NATD1: variants seen among roughly 807,000 people sequenced by gnomAD.
The protein encoded by NATD1 is N-acetyltransferase domain containing 1, also known as protein NATD1.
A neutral mutation model predicts 12.0 loss-of-function variants in NATD1; 9 were observed. The ratio of observed to expected loss-of-function variants is 0.75; its 90% CI spans 0.45 to 1.30. The LOEUF is 1.30. Ranked by LOEUF, NATD1 falls within the 50% of genes most tolerant of loss-of-function variation. The pLI is 0.00. For missense variants in NATD1, 148 were observed against 148.5 expected, an observed-to-expected ratio of 1.00 and a Z score of 0.02; for synonymous variants, 71 against 65.9, an observed-to-expected ratio of 1.08 and a Z score of -0.37.
chr17:21,247,095 C>A (rs112819364), intron 1 of NATD1, among the ~76,000 whole-genome samples: 2 of 152,182 alleles, frequency 1.3e-5, no homozygotes, highest in Non-Finnish European at 2.9e-5. Flanking sequence ...GCACACCCTG[C>A]GTCAGTGTTT....
At position 21,243,421 on chromosome 17, in the gene NATD1, C is replaced by T; in HGVS notation, c.234G>A (p.Leu78=). 1 of 1,612,720 alleles carries T rather than the reference C, an allele frequency of 6.2e-7. No homozygotes were observed. Among genetic ancestry groups the T allele is most frequent in the Non-Finnish European group, 8.5e-7 (1 of 1,179,878 alleles). ...TCAGGTCCTCCTCCACCACGAAGTC[C>T]AGGGCGGCCTGGGAGCCGGGCAGAG... ...GIAKHLAKAA[L]DFVVEEDLKA... Residue 78 remains leucine (L), a synonymous_variant, in exon 3 of 3, where the codon CTG becomes CTA. Transcript: ENST00000611551.
Position 21,244,297 on chromosome 17 carries a change from G to A in NATD1, c.107-73C>T, listed in dbSNP as rs535740764. The A allele has an allele frequency of 2.2e-6, 3 of 1,346,472 alleles. No homozygotes were observed. The highest frequency in any genetic ancestry group is 1.5e-5 in the African/African-American group (1 of 68,792). 83.4% of individuals were successfully genotyped at this position (1,346,472 alleles called of 1,614,324 possible). A position where few individuals can be genotyped will look rare whatever the true frequency, so the allele number is the denominator to read the frequency against. ...GGACTCAGGCACCAAGACGGGTGGAGGGACAGGCATTTGGAGTCATTCAGC... is the reference window on the plus strand; with the variant it reads ...GGACTCAGGCACCAAGACGGGTGGAAGGACAGGCATTTGGAGTCATTCAGC... On this transcript the variant is annotated intron_variant, in intron 1 of 2. Coordinates refer to ENST00000611551, the MANE Select transcript of NATD1 (RefSeq NM_152914.3). The surrounding 1 kb of genome is among the most constrained non-coding windows in gnomAD (Gnocchi z 5.2).
At chr17:21,246,567 G>T (rs9896085) in intron 1 of NATD1, among the ~76,000 whole-genome samples, 7,016 of 151,822 alleles carry the variant, frequency 0.046, 252 homozygotes, top group African/African-American at 0.1. Flanking sequence ...CACACCTATG[G>T]TCCCGGCTAT....
At chr17:21,251,343 G>A (rs531306486) in intron 1 of NATD1, among the ~76,000 whole-genome samples, 22 of 150,252 alleles carry the variant, frequency 1.5e-4, no homozygotes, top group Middle Eastern at 6.9e-3. Context: ...CTGTCTCTGA[G>A]TATAATGGCC....
intron 1 of NATD1, among the ~76,000 whole-genome samples, chr17:21,250,915 C>T (rs1975369136): frequency 1.3e-5 from 2 of 152,342 alleles, no homozygotes; most frequent in Non-Finnish European, 2.9e-5. Flanking sequence ...CACAACAGCA[C>T]CAGCCTCCAG....
chr17:21,249,219 C>T (rs1042700006), intron 1 of NATD1, among the ~76,000 whole-genome samples: 3 of 152,238 alleles, frequency 2.0e-5, no homozygotes, highest in South Asian at 2.1e-4. Context: ...CAGATCAAAA[C>T]GCGAATATAC....
chr17:21,252,228 C>T (rs973448748), intron 1 of NATD1, among the ~76,000 whole-genome samples: 1 of 152,060 alleles, frequency 6.6e-6, no homozygotes, highest in Non-Finnish European at 1.5e-5. Context: ...TCACTTGAAC[C>T]CAGGAGGCAG....
At chr17:21,246,589 A>T (rs1268204486) in intron 1 of NATD1, among the ~76,000 whole-genome samples, 1 of 151,278 alleles carries the variant, frequency 6.6e-6, no homozygotes, top group Non-Finnish European at 1.5e-5. Context: ...TGGGAGGCTG[A>T]GGCGGGAGAA....
In NATD1 at chr17:21,240,842, C is replaced by G. The variant is rs732929; in HGVS notation, c.*2471G>C. The stretch of plus-strand genomic sequence containing the variant: ...GGGATGGGCTGGGGGCTCCAGGGCA[C>G]GGTGTCTGTGGCAACCCAACCTGGG... On this transcript the variant is annotated 3_prime_UTR_variant, in exon 3 of 3. Transcript: ENST00000611551. 127,968 of 152,802 alleles carry G rather than the reference C, an allele frequency of 0.84. 53,985 individuals are homozygous for G. The highest frequency in any genetic ancestry group is 0.93 in the African/African-American group (38,879 of 41,584). The allele number at this position is 152,802 out of a possible 1,614,324, so 9.5% of individuals were successfully genotyped here.
Position 21,244,140 on chromosome 17 carries a change from T to C in NATD1, c.191A>G (p.Tyr64Cys), listed in dbSNP as rs1264177632. 3 of 1,612,812 alleles carry C rather than the reference T, an allele frequency of 1.9e-6. No individual in the cohort carries two copies. Among genetic ancestry groups the C allele is most frequent in the Admixed American group, 1.7e-5 (1 of 59,954 alleles). ...DLQHTEVPDA[Y>C]RGRGIAKHLA... Reference sequence around the variant, plus strand: ...GTGCTTGGCGATGCCACGCCCACGGTAGGCATCTGGGACCTCGGTGTGCTG... The same window carrying C: ...GTGCTTGGCGATGCCACGCCCACGGCAGGCATCTGGGACCTCGGTGTGCTG... Residue 64 changes from tyrosine to cysteine, a missense_variant, in exon 2 of 3, where the codon TAC (tyrosine) becomes TGC (cysteine). By Grantham distance (194) the Tyr-to-Cys change is radical. Coordinates refer to ENST00000611551, the MANE Select transcript of NATD1 (RefSeq NM_152914.3). The surrounding 1 kb of genome is among the most constrained non-coding windows in gnomAD (Gnocchi z 5.2).
chr17:21,246,174 G>A (rs1975323058), intron 1 of NATD1, among the ~76,000 whole-genome samples: 1 of 152,156 alleles, frequency 6.6e-6, no homozygotes, highest in African/African-American at 2.4e-5. Flanking sequence ...CTTCCTCATG[G>A]AGATCTTACG....
intron 1 of NATD1, among the ~76,000 whole-genome samples, chr17:21,245,474 T>G (rs1333362543): frequency 6.6e-6 from 1 of 152,164 alleles, no homozygotes; most frequent in African/African-American, 2.4e-5. Context: ...GTCCAACCAC[T>G]AGTCCAGGGC....
rs117500707 is a variant in NATD1 at position 21,250,453 on chromosome 17, T to C, written c.106+2706A>G. On this transcript the variant is annotated intron_variant, in intron 1 of 2. Transcript: ENST00000611551. ...AAAGCCCTTGTTTTCCAGGATACTT[T>C]AAAACTGACTCTATTTCTTGTCCAT... Among the ~76,000 whole-genome samples the C allele has an allele frequency of 2.0e-5, 3 of 152,300 alleles. No homozygotes were observed. In the East Asian group the frequency reaches 5.8e-4, roughly 29 times the overall value.
At position 21,244,154 on chromosome 17, in the gene NATD1, C is replaced by A. The variant is rs1197360230; in HGVS notation, c.177G>T (p.Glu59Asp). The A allele has an allele frequency of 1.9e-6, 3 of 1,613,218 alleles. No individual in the cohort carries two copies. Among genetic ancestry groups the A allele is most frequent in the Non-Finnish European group, 2.5e-6 (3 of 1,179,840 alleles). ...GKRIVDLQHT[E>D]VPDAYRGRGI... ...CACGCCCACGGTAGGCATCTGGGAC[C>A]TCGGTGTGCTGCAGGTCCACGATCC... The change falls in exon 2 of 3, where the codon GAG becomes GAT. Residue 59 changes from glutamate (E) to aspartate (D), a missense_variant. Coordinates refer to ENST00000611551, the MANE Select transcript of NATD1 (RefSeq NM_152914.3). The surrounding 1 kb of genome is among the most constrained non-coding windows in gnomAD (Gnocchi z 5.2).
intron 1 of NATD1, among the ~76,000 whole-genome samples, chr17:21,252,830 C>G (rs1458881452): frequency 6.6e-6 from 1 of 152,012 alleles, no homozygotes; most frequent in African/African-American, 2.4e-5. Flanking sequence ...GACAGGGGAC[C>G]CGCGCTGCCC....
At chr17:21,247,075 A>G (rs1249871184) in intron 1 of NATD1, among the ~76,000 whole-genome samples, 2 of 151,562 alleles carry the variant, frequency 1.3e-5, no homozygotes, top group African/African-American at 4.9e-5. Context: ...GCTCATTACT[A>G]CTCCTCTGTG....
chr17:21,249,262 C>G (rs1364749976), intron 1 of NATD1, among the ~76,000 whole-genome samples: 1 of 152,196 alleles, frequency 6.6e-6, no homozygotes, highest in African/African-American at 2.4e-5. Flanking sequence ...GGAGGCAGAG[C>G]CCAGGCGCCA....
Position 21,253,270 on chromosome 17 carries a change from C to T in NATD1, c.-6G>A, listed in dbSNP as rs1404475520. ...GCGGCAGCCGAGTGCGCCATCTGCG[C>T]GCGGGGCTGCGGCGCGGCGCCGGCG... On this transcript the variant is annotated 5_prime_UTR_variant, in exon 1 of 3. Coordinates refer to ENST00000611551, the MANE Select transcript of NATD1 (RefSeq NM_152914.3). The T allele has an allele frequency of 8.1e-5, 80 of 988,420 alleles. No homozygotes were observed. Among genetic ancestry groups the T allele is most frequent in the Non-Finnish European group, 9.5e-5 (79 of 832,776 alleles). 61.2% of individuals were successfully genotyped at this position (988,420 alleles called of 1,614,324 possible).
At chr17:21,249,011 C>T (rs1035221825) in intron 1 of NATD1, among the ~76,000 whole-genome samples, 6 of 152,114 alleles carry the variant, frequency 3.9e-5, no homozygotes, top group African/African-American at 1.4e-4. Flanking sequence ...GGTCTCTGCA[C>T]CCCCATGCTC....
Sources: gnomAD v4.1 joint callset for allele counts (sites outside exome capture counted in the v4.1 genomes callset) on GRCh38, gnomAD v4.1.1 for gene constraint, Gnocchi (gnomAD v3.1) non-coding constraint, MANE v1.5 for transcripts, NCBI Gene and HGNC (gene_info 2026-07-23, HGNC 2026-07-21) for gene names.